The following LRRC28 variants were observed in gnomAD, a reference collection of about 807,000 sequenced individuals.
The protein encoded by LRRC28 is leucine rich repeat containing 28.
In LRRC28, 39 loss-of-function variants were observed where a neutral mutation model predicts 45.7. The ratio of observed to expected loss-of-function variants is 0.85; its 90% CI spans 0.66 to 1.12. The LOEUF (loss-of-function observed/expected upper bound fraction) is 1.12, where lower values mean the gene tolerates loss of function less well. Ranked by LOEUF, LRRC28 falls within the 50% of genes most tolerant of loss-of-function variation. The pLI is 0.00. For synonymous variants in LRRC28, 206 were observed against 178.8 expected (o/e 1.15, Z -1.22); for missense variants, 435 against 438.5 (o/e 0.99, Z 0.07).
At chr15:99,375,247 TC>T (rs1957595054) in intron 9 of LRRC28, among the ~76,000 whole-genome samples, 1 of 152,192 alleles carries the variant, frequency 6.6e-6, no homozygotes, top group African/African-American at 2.4e-5. Context: ...ATATGGTTTT[TC>T]TTTTGCCTGT....
chr15:99,362,009 T>G (rs1257901292), intron 8 of LRRC28, among the ~76,000 whole-genome samples: 1 of 152,174 alleles, frequency 6.6e-6, no homozygotes, highest in Non-Finnish European at 1.5e-5. Context: ...GAGGTAGAAG[T>G]ACTGGGAGCC....
At chr15:99,359,640 T>C (rs1957143815) in intron 7 of LRRC28, among the ~76,000 whole-genome samples, 1 of 152,208 alleles carries the variant, frequency 6.6e-6, no homozygotes, top group Non-Finnish European at 1.5e-5. Context: ...TTTACTATAA[T>C]AAAAACATCT....
intron 9 of LRRC28, among the ~76,000 whole-genome samples, chr15:99,372,543 TACA>T (rs1957512439): frequency 1.3e-5 from 2 of 151,914 alleles, no homozygotes. Flanking sequence ...AGATTATTAA[TACA>T]ACAAGCAGAT....
chr15:99,338,363 A>G (rs1956396641), intron 6 of LRRC28: 1 of 152,480 alleles, frequency 6.6e-6, no homozygotes, highest in Non-Finnish European at 1.5e-5. Context: ...CAAACAAAGC[A>G]TGCAGCCTCT....
chr15:99,293,956 A>G (rs978957575), intron 5 of LRRC28, among the ~76,000 whole-genome samples: 1 of 152,230 alleles, frequency 6.6e-6, no homozygotes, highest in East Asian at 1.9e-4. Flanking sequence ...TGGAAATAAA[A>G]TTCTGGATTG....
intron 3 of LRRC28, chr15:99,285,738 G>C (rs768892986): frequency 1.8e-6 from 1 of 551,484 alleles, no homozygotes; most frequent in South Asian, 1.7e-5. Flanking sequence ...TTCATATTTT[G>C]ATTTGGACAT....
chr15:99,362,895 T>G (rs1957241045), intron 8 of LRRC28, among the ~76,000 whole-genome samples: 1 of 152,226 alleles, frequency 6.6e-6, no homozygotes, highest in Non-Finnish European at 1.5e-5. Context: ...ATGAGTGAAT[T>G]TGTGTTTTCT....
chr15:99,313,832 C>T (rs1322782825), intron 5 of LRRC28, among the ~76,000 whole-genome samples: 3 of 152,086 alleles, frequency 2.0e-5, no homozygotes, highest in African/African-American at 7.2e-5. Context: ...ATTGAGGGTG[C>T]TCTCTCTGGT....
In LRRC28 at chr15:99,387,327, T is replaced by G. The variant is rs988242513; in HGVS notation, c.*1225T>G. The G allele has an allele frequency of 6.6e-6, 1 of 152,218 alleles. No homozygotes were observed. The highest frequency in any genetic ancestry group is 2.4e-5 in the African/African-American group (1 of 41,460). 9.4% of individuals were successfully genotyped at this position (152,218 alleles called of 1,614,324 possible). On this transcript the variant is annotated 3_prime_UTR_variant, in exon 10 of 10. Transcript: ENST00000301981. ...CGCACGCCTCGGCCTCCCAAAGTGC[T>G]GGGATTACAGGCGTGAGCCACCGCG...
At chr15:99,339,175 T>C (rs545771740) in intron 6 of LRRC28, among the ~76,000 whole-genome samples, 23 of 152,350 alleles carry the variant, frequency 1.5e-4, no homozygotes, top group Non-Finnish European at 3.1e-4. Flanking sequence ...TAAGGCTTTT[T>C]AACCATGCGC....
intron 6 of LRRC28, among the ~76,000 whole-genome samples, chr15:99,339,504 G>T (rs1956434333): frequency 6.6e-6 from 1 of 152,236 alleles, no homozygotes. Context: ...ACTGAGGCAG[G>T]TGGATCACTT....
intron 9 of LRRC28, among the ~76,000 whole-genome samples, chr15:99,363,980 C>T (rs1015764985): frequency 6.6e-6 from 1 of 152,148 alleles, no homozygotes; most frequent in Non-Finnish European, 1.5e-5. Flanking sequence ...TCATTTATCA[C>T]CATCAAATGT....
At chr15:99,308,023 A>T (rs1955251999) in intron 5 of LRRC28, among the ~76,000 whole-genome samples, 1 of 152,218 alleles carries the variant, frequency 6.6e-6, no homozygotes, top group Admixed American at 6.5e-5. Context: ...CGAGTTAGGA[A>T]TCTGCCAAAA....
chr15:99,360,070 G>GA (rs1031437698), intron 7 of LRRC28, among the ~76,000 whole-genome samples: 13 of 150,238 alleles, frequency 8.7e-5, no homozygotes, highest in South Asian at 4.3e-4. Flanking sequence ...ACAAAACAAA[G>GA]AAAAAAAAAC....
At chr15:99,294,895 A>T (rs1290487059) in intron 5 of LRRC28, among the ~76,000 whole-genome samples, 2 of 152,102 alleles carry the variant, frequency 1.3e-5, no homozygotes, top group East Asian at 1.9e-4. Context: ...ACTCTGATCT[A>T]TTCCTCTTCA....
intron 5 of LRRC28, among the ~76,000 whole-genome samples, chr15:99,327,775 ACTTTTT>A (rs1418110058): frequency 6.7e-6 from 1 of 150,366 alleles, no homozygotes; most frequent in Non-Finnish European, 1.5e-5. Flanking sequence ...TTTAGTTTTT[ACTTTTT>A]CTTTTTTCTA....
At position 99,334,051 on chromosome 15, in the gene LRRC28, G is replaced by A. The variant is rs780772399; in HGVS notation, c.514G>A (p.Val172Met). ...TGTGGACCGAAATCGTCTATGGTAT[G>A]TGCCGCGCCATCTCTGCCAGCTGCC... The part of the protein sequence containing the change: ...LTVDRNRLWY[V>M]PRHLCQLPSL... Residue 172 changes from valine (V) to methionine (M), a missense_variant, in exon 6 of 10, where the codon GTG (valine) becomes ATG (methionine). Val to Met is a conservative substitution (Grantham distance 21, BLOSUM62 1). Transcript: ENST00000301981. 1.2e-6 allele frequency: 2 copies of A among 1,614,122 alleles called. No homozygotes were observed. The highest frequency in any genetic ancestry group is 1.1e-5 in the South Asian group (1 of 91,086).
intron 6 of LRRC28, 55 bp downstream of exon 6, chr15:99,334,184 T>C: frequency 3.2e-6 from 5 of 1,579,720 alleles, no homozygotes; most frequent in Non-Finnish European, 4.4e-6. Context: ...AAAGCCTTTG[T>C]TTCTTTGACT....
chr15:99,385,556 C>T (rs1957957471), intron 9 of LRRC28, among the ~76,000 whole-genome samples: 1 of 152,200 alleles, frequency 6.6e-6, no homozygotes, highest in Non-Finnish European at 1.5e-5. Context: ...CTACGAGCAA[C>T]CTATGTGTAT....
Sources: gnomAD v4.1 joint callset for allele counts (sites outside exome capture counted in the v4.1 genomes callset) on GRCh38, gnomAD v4.1.1 for gene constraint, MANE v1.5 for transcripts, NCBI Gene and HGNC (gene_info 2026-07-23, HGNC 2026-07-21) for gene names.